The following TUBGCP2 variants were observed in gnomAD, a reference collection of about 807,000 sequenced individuals.
TUBGCP2 encodes tubulin gamma complex component 2.
TUBGCP2 carries 55 observed loss-of-function variants against 92.2 expected under a neutral mutation model. The ratio of observed to expected loss-of-function variants is 0.60; its 90% confidence interval spans 0.48 to 0.75. The LOEUF (loss-of-function observed/expected upper bound fraction) is 0.75. TUBGCP2 is among the 30% of genes least tolerant of loss of function. TUBGCP2 has a pLI of 0.00. For missense variants in TUBGCP2, 1,093 were observed against 1,188.9 expected (o/e 0.92, Z 1.19); for synonymous variants, 533 against 505.2 (o/e 1.06, Z -0.74).
rs567702620 is a variant in TUBGCP2 at position 133,306,213 on chromosome 10, A to C, written c.-40+2610T>G. On this transcript the variant is annotated intron_variant, in intron 1 of 17. Transcript: ENST00000252936. ...ACTACCAGATGCTTTTTTAACAGTCATGGGAGCCCTGGACGAGGCCCTGCA... is the reference window on the plus strand; with the variant it reads ...ACTACCAGATGCTTTTTTAACAGTCCTGGGAGCCCTGGACGAGGCCCTGCA... Among the ~76,000 whole-genome samples the C allele has an allele frequency of 1.8e-4, 27 of 152,334 alleles. 1 individual carries two copies. In the South Asian group the frequency reaches 4.8e-3, roughly 27 times the overall value.
At chr10:133,290,155 C>G (rs981057043) in intron 8 of TUBGCP2, 186 bp from the exon 9 acceptor site, 1 of 802,998 alleles carries the variant, frequency 1.2e-6, no homozygotes, top group African/African-American at 1.7e-5. Context: ...AACCTAGGGG[C>G]CGGGCACGGT....
At chr10:133,293,486 C>A in intron 6 of TUBGCP2, 76 bp downstream of exon 6, 1 of 1,481,152 alleles carries the variant, frequency 6.8e-7, no homozygotes, top group Non-Finnish European at 9.2e-7. Context: ...TGCAGACGTC[C>A]CCATGGTCAT....
In TUBGCP2 at chr10:133,279,841, C is replaced by T; in HGVS notation, c.2634G>A (p.Gln878=). 6.2e-7 allele frequency: 1 copy of T among 1,600,454 alleles called. No homozygotes were observed. Among genetic ancestry groups the T allele is most frequent in the Non-Finnish European group, 8.5e-7 (1 of 1,174,640 alleles). ...GGACAGGCACTTGGGGGGTGGCCTT[C>T]TGGCTCCTCTCTGCAGACAGGCGCT... ...RLERLSAERS[Q]KATPQVPVLR... Residue 878 remains glutamine, a synonymous_variant, in exon 18 of 18, where the codon CAG becomes CAA. Transcript: ENST00000252936.
At chr10:133,289,330 G>A (rs1465201539) in intron 9 of TUBGCP2, among the ~76,000 whole-genome samples, 2 of 152,176 alleles carry the variant, frequency 1.3e-5, no homozygotes, top group Admixed American at 6.5e-5. Flanking sequence ...AAATAATTTC[G>A]AACAGGCATT....
chr10:133,306,359 A>C (rs937288659), intron 1 of TUBGCP2, among the ~76,000 whole-genome samples: 1 of 152,202 alleles, frequency 6.6e-6, no homozygotes, highest in Non-Finnish European at 1.5e-5. Flanking sequence ...GTTGTCCTAT[A>C]ACTGCTGGTC....
chr10:133,288,749 A>G lies in TUBGCP2; in HGVS notation c.1541+91T>C, dbSNP rs144627321. ...TTCAAAAAGACAAGGCGGAGCTGCC[A>G]GAAGAAACCCAGCGATCTCAGCCCC... On this transcript the variant is annotated intron_variant, in intron 10 of 17. Coordinates refer to ENST00000252936, the MANE Select transcript of TUBGCP2 (RefSeq NM_006659.4). 199 of 1,396,876 alleles carry G rather than the reference A, an allele frequency of 1.4e-4. 1 individual carries two copies. Among genetic ancestry groups the G allele is most frequent in the Non-Finnish European group, 3.0e-5 (31 of 1,042,530 alleles). 86.5% of individuals were successfully genotyped at this position (1,396,876 alleles called of 1,614,324 possible). A position where few individuals can be genotyped will look rare whatever the true frequency, so the allele number is the denominator to read the frequency against.
Position 133,285,974 on chromosome 10 carries a change from G to A in TUBGCP2, c.1723-346C>T, listed in dbSNP as rs1053243011. On this transcript the variant is annotated intron_variant, in intron 11 of 17. Transcript: ENST00000252936. The surrounding 1 kb of genome is among the most constrained non-coding windows in gnomAD (Gnocchi z 6.8). ...CCATGATAAGCACCAGGCCCAGGTT[G>A]AAAAATGAAGCATATTTGACGAGGG... Among the ~76,000 whole-genome samples the A allele has an allele frequency of 2.8e-4, 43 of 152,134 alleles. No individual in the cohort carries two copies. Among genetic ancestry groups the A allele is most frequent in the Admixed American group, 5.9e-4 (9 of 15,268 alleles).
In TUBGCP2 at chr10:133,288,078, G is replaced by A. The variant is rs771904115; in HGVS notation, c.1722+51C>T. ...TGGCCTCTGCTGTGCTCTCCTCCCA[G>A]CCCCTCCGAGGCCTCTGCCACAGGG... On this transcript the variant is annotated intron_variant, in intron 11 of 17. Coordinates refer to ENST00000252936, the MANE Select transcript of TUBGCP2 (RefSeq NM_006659.4). 3 of 1,573,594 alleles carry A rather than the reference G, an allele frequency of 1.9e-6. No homozygotes were observed. In the South Asian group the frequency reaches 3.4e-5, roughly 18 times the overall value.
upstream of TUBGCP2, chr10:133,310,411 C>T (rs1192318879): frequency 2.5e-6 from 3 of 1,214,324 alleles, no homozygotes; most frequent in Non-Finnish European, 3.4e-6. Flanking sequence ...GGGGTGTTCA[C>T]CTGCAGGTAC....
chr10:133,289,807 C>CGCCCGCTGCGCCGCGGACGCCAAGTACCT lies in TUBGCP2; in HGVS notation c.1360+16_1360+17insAGGTACTTGGCGTCCGCGGCGCAGCGGGC. The CGCCCGCTGCGCCGCGGACGCCAAGTACCT allele has an allele frequency of 6.4e-7, 1 of 1,556,618 alleles. No individual in the cohort carries two copies. Among genetic ancestry groups the CGCCCGCTGCGCCGCGGACGCCAAGTACCT allele is most frequent in the East Asian group, 2.3e-5 (1 of 43,996 alleles). On this transcript the variant is annotated intron_variant, in intron 9 of 17. Transcript: ENST00000252936. ...AGCTGTGCTGCGCACCCCAAGTCCC[C>CGCCCGCTGCGCCGCGGACGCCAAGTACCT]GCCCGCTGCGCCGCACCTGTGCTGA...
intron 8 of TUBGCP2, among the ~76,000 whole-genome samples, chr10:133,291,253 T>C (rs1847284778): frequency 1.5e-5 from 1 of 64,852 alleles, no homozygotes; most frequent in Non-Finnish European, 2.4e-5. Flanking sequence ...GTGTCCCCCA[T>C]GTCCCTCCGT....
At chr10:133,297,793 C>T (rs897676578) in intron 5 of TUBGCP2, among the ~76,000 whole-genome samples, 159 bp downstream of exon 5, 2 of 152,260 alleles carry the variant, frequency 1.3e-5, no homozygotes, top group African/African-American at 4.8e-5. Flanking sequence ...AGCATTGAGC[C>T]TCACAACCTG....
upstream of TUBGCP2, chr10:133,309,247 C>T: frequency 7.5e-7 from 1 of 1,326,260 alleles, no homozygotes; most frequent in Non-Finnish European, 1.0e-6. Context: ...TGGGGCGGGG[C>T]CGGAACGTGG....
chr10:133,309,806 C>T, upstream of TUBGCP2: 3 of 1,613,478 alleles, frequency 1.9e-6, no homozygotes, highest in Non-Finnish European at 8.5e-7. Flanking sequence ...AGGTGGCCGG[C>T]TGCTGCCAGG....
At chr10:133,303,049 C>A in intron 1 of TUBGCP2, 69 bp from the exon 2 acceptor site, 2 of 1,400,124 alleles carry the variant, frequency 1.4e-6, no homozygotes, top group South Asian at 1.3e-5. Flanking sequence ...TTTAAACACT[C>A]AAGACTGGCC....
At chr10:133,297,873 G>C (rs560568996) in intron 5 of TUBGCP2, 79 bp downstream of exon 5, 1 of 1,576,326 alleles carries the variant, frequency 6.3e-7, no homozygotes, top group Non-Finnish European at 8.6e-7. Flanking sequence ...ATAAACACAT[G>C]ACATACCTAT....
In TUBGCP2 at chr10:133,289,811, C is replaced by CGCTGCGCCAAGGACCCTAGGTCCCTGCCT; in HGVS notation, c.1360+12_1360+13insAGGCAGGGACCTAGGGTCCTTGGCGCAGC. 1.2e-6 allele frequency: 2 copies of CGCTGCGCCAAGGACCCTAGGTCCCTGCCT among 1,612,974 alleles called. No homozygotes were observed. The highest frequency in any genetic ancestry group is 2.7e-5 in the African/African-American group (2 of 74,596). On this transcript the variant is annotated intron_variant, in intron 9 of 17. Transcript: ENST00000252936. ...GTGCTGCGCACCCCAAGTCCCCGCCCGCTGCGCCGCACCTGTGCTGAGGAT... is the reference window on the plus strand; with the variant it reads ...GTGCTGCGCACCCCAAGTCCCCGCCCGCTGCGCCAAGGACCCTAGGTCCCTGCCTGCTGCGCCGCACCTGTGCTGAGGAT...
At chr10:133,286,788 C>T (rs145203185) in intron 11 of TUBGCP2, among the ~76,000 whole-genome samples, 42 of 152,338 alleles carry the variant, frequency 2.8e-4, no homozygotes, top group African/African-American at 9.6e-4. Flanking sequence ...AAACCACCCA[C>T]GGCTCCAACA....
At position 133,297,957 on chromosome 10, in the gene TUBGCP2, G is replaced by A. The variant is rs149678633; in HGVS notation, c.611C>T (p.Pro204Leu). Residue 204 changes from proline to leucine, a missense_variant, in exon 5 of 18, where the codon CCG (proline) becomes CTG (leucine). By Grantham distance (98) the Pro-to-Leu change is moderately conservative. This residue lies in a region of TUBGCP2 where 490 missense variants were observed against 488.5 expected (regional missense o/e 1.00). Transcript: ENST00000252936. The stretch of plus-strand genomic sequence containing the variant: ...GAAATCAACGCATCACGTACCTATC[G>A]GCAAAGCGGTGTCTGTGCTGATGCC... ...GAGISTDTAL[P>L]IGTLPLASQE... 91 of 1,613,030 alleles carry A rather than the reference G, an allele frequency of 5.6e-5. 1 individual carries two copies. The African/African-American group carries it at 9.2e-4, about 16-fold the overall frequency.
Sources: allele counts gnomAD v4.1 joint callset (sites outside exome capture counted in the v4.1 genomes callset), GRCh38; gene constraint gnomAD v4.1.1; regional missense constraint gnomAD v4.1.1; non-coding constraint Gnocchi (gnomAD v3.1); transcripts MANE v1.5; gene names NCBI Gene and HGNC (gene_info 2026-07-23, HGNC 2026-07-21).